CCSER1: variants seen among roughly 807,000 people sequenced by gnomAD.
CCSER1 encodes the protein coiled-coil serine rich protein 1, also known as serine-rich coiled-coil domain-containing protein 1.
CCSER1 carries 41 observed loss-of-function variants against 82.0 expected under a neutral mutation model. That is an observed-to-expected ratio of 0.50 (90% CI 0.39 to 0.65). The LOEUF is 0.65. Ranked by LOEUF, CCSER1 falls within the 30% of genes least tolerant of loss-of-function variation. The pLI, the probability that CCSER1 is intolerant of heterozygous loss-of-function variation, is 0.00. For missense variants in CCSER1, 1,119 were observed against 1,064.2 expected (o/e 1.05, Z -0.72); for synonymous variants, 414 against 383.9 (o/e 1.08, Z -0.92).
In CCSER1 at chr4:91,154,494, G is replaced by C. The variant is rs930008962; in HGVS notation, c.2217+68500G>C. On this transcript the variant is annotated intron_variant, in intron 10 of 10. Coordinates refer to ENST00000509176, the MANE Select transcript of CCSER1 (RefSeq NM_001145065.2). The stretch of plus-strand genomic sequence containing the variant: ...AATGCCAATGCGTTGCCCTGCTCCT[G>C]CTCCTGCTCCTGGTCCTTGGGTTGC... Among the ~76,000 whole-genome samples the C allele has an allele frequency of 7.9e-5, 12 of 151,916 alleles. 2 individuals carry two copies. Among genetic ancestry groups the C allele is most frequent in the Admixed American group, 2.0e-4 (3 of 15,250 alleles).
At chr4:91,312,712 G>A (rs1745570892) in intron 10 of CCSER1, among the ~76,000 whole-genome samples, 1 of 151,824 alleles carries the variant, frequency 6.6e-6, no homozygotes, top group Non-Finnish European at 1.5e-5. Flanking sequence ...ATTTTTCATT[G>A]TAAGTCGAAA....
chr4:90,314,636 C>T (rs1202512114), intron 3 of CCSER1, among the ~76,000 whole-genome samples: 1 of 151,854 alleles, frequency 6.6e-6, no homozygotes, highest in Admixed American at 6.6e-5. Context: ...CCTGTAGTTC[C>T]AGCTACTCAG....
intron 1 of CCSER1, among the ~76,000 whole-genome samples, chr4:90,196,076 T>C (rs912507998): frequency 1.3e-5 from 2 of 150,734 alleles, no homozygotes; most frequent in Non-Finnish European, 2.9e-5. Flanking sequence ...ATGGTAACAA[T>C]CCTATTTCCA....
chr4:90,752,262 A>C (rs1371989804), intron 7 of CCSER1, among the ~76,000 whole-genome samples: 1 of 152,134 alleles, frequency 6.6e-6, no homozygotes, highest in Admixed American at 6.6e-5. Flanking sequence ...ATGATTTCAA[A>C]ACTCATGCCT....
chr4:91,369,691 A>G (rs1358489132), intron 10 of CCSER1, among the ~76,000 whole-genome samples: 1 of 52,974 alleles, frequency 1.9e-5, no homozygotes, highest in African/African-American at 6.5e-5. Flanking sequence ...TTTTTTTTTG[A>G]CAGTCTCTCA....
At chr4:90,346,342 C>T (rs191963744) in intron 3 of CCSER1, among the ~76,000 whole-genome samples, 16 of 151,884 alleles carry the variant, frequency 1.1e-4, no homozygotes, top group South Asian at 8.3e-4. Flanking sequence ...CACTTATAAC[C>T]GTGTAGATCT....
intron 10 of CCSER1, among the ~76,000 whole-genome samples, chr4:91,318,147 G>T (rs1487952504): frequency 6.6e-6 from 1 of 151,876 alleles, no homozygotes; most frequent in Non-Finnish European, 1.5e-5. Flanking sequence ...ACTCTGTATG[G>T]ATGTGAGGGG....
intron 7 of CCSER1, among the ~76,000 whole-genome samples, chr4:90,742,098 A>G (rs547093416): frequency 6.6e-6 from 1 of 152,194 alleles, no homozygotes; most frequent in East Asian, 1.9e-4. Context: ...AGACAGAGAG[A>G]GAGAGAGAGA....
At chr4:90,217,036 T>G (rs1741165092) in intron 1 of CCSER1, among the ~76,000 whole-genome samples, 2 of 152,176 alleles carry the variant, frequency 1.3e-5, no homozygotes, top group South Asian at 2.1e-4. Flanking sequence ...TTTAATTTTT[T>G]TGTGTGTTGC....
At chr4:90,947,317 C>T (rs115346778) in intron 9 of CCSER1, among the ~76,000 whole-genome samples, 5 of 152,162 alleles carry the variant, frequency 3.3e-5, no homozygotes, top group Admixed American at 6.5e-5. Context: ...GTTACTGACA[C>T]GAAATATCTT....
chr4:90,659,504 A>G (rs7658249), intron 6 of CCSER1, among the ~76,000 whole-genome samples: 1 of 152,066 alleles, frequency 6.6e-6, no homozygotes, highest in East Asian at 1.9e-4. Flanking sequence ...CATCATGATC[A>G]TCATTACAAC....
At chr4:91,169,480 G>T (rs530725493) in intron 10 of CCSER1, among the ~76,000 whole-genome samples, 2 of 152,198 alleles carry the variant, frequency 1.3e-5, no homozygotes, top group Admixed American at 6.5e-5. Context: ...AATTAGCCAG[G>T]CATGGTGGCG....
At chr4:91,390,480 G>C (rs1253686690) in intron 10 of CCSER1, among the ~76,000 whole-genome samples, 1 of 151,760 alleles carries the variant, frequency 6.6e-6, no homozygotes, top group Admixed American at 6.6e-5. Flanking sequence ...TTAAAGAAAG[G>C]TATCACTCTG....
chr4:90,689,793 G>T (rs1735483005), intron 6 of CCSER1, among the ~76,000 whole-genome samples: 1 of 152,134 alleles, frequency 6.6e-6, no homozygotes, highest in Admixed American at 6.6e-5. Flanking sequence ...GATTCTGTGG[G>T]AAGCTCTGGA....
chr4:90,688,227 T>C (rs1200633236), intron 6 of CCSER1, among the ~76,000 whole-genome samples: 4 of 152,140 alleles, frequency 2.6e-5, no homozygotes, highest in Non-Finnish European at 4.4e-5. Flanking sequence ...TTGCATCTGC[T>C]GTCACTGTCA....
intron 9 of CCSER1, among the ~76,000 whole-genome samples, chr4:90,964,759 A>G (rs574570929): frequency 6.6e-6 from 1 of 151,494 alleles, no homozygotes; most frequent in East Asian, 1.9e-4. Context: ...AAAAGCAACA[A>G]GAATATGGGC....
At chr4:90,449,151 G>T (rs1375626629) in intron 4 of CCSER1, among the ~76,000 whole-genome samples, 1 of 152,210 alleles carries the variant, frequency 6.6e-6, no homozygotes, top group Admixed American at 6.5e-5. Context: ...ACCCAATGTG[G>T]ATAGCTCCTC....
chr4:90,250,405 G>C (rs1179612791), intron 1 of CCSER1, among the ~76,000 whole-genome samples: 1 of 152,006 alleles, frequency 6.6e-6, no homozygotes, highest in Admixed American at 6.6e-5. Flanking sequence ...TTTGTGTAGA[G>C]TGCAGGAAAA....
chr4:90,302,370 G>A (rs1178748793), intron 1 of CCSER1, among the ~76,000 whole-genome samples: 3 of 152,190 alleles, frequency 2.0e-5, no homozygotes, highest in African/African-American at 7.2e-5. Flanking sequence ...GTCAGGTAGG[G>A]AAGGAGTGTC....
Sources: allele counts gnomAD v4.1 joint callset (sites outside exome capture counted in the v4.1 genomes callset), GRCh38; gene constraint gnomAD v4.1.1; transcripts MANE v1.5; gene names NCBI Gene and HGNC (gene_info 2026-07-23, HGNC 2026-07-21).